Variants in VWC2L observed in about 807,000 individuals in gnomAD.
The protein encoded by VWC2L is von Willebrand factor C domain containing 2 like.
A neutral mutation model predicts 21.6 loss-of-function variants in VWC2L; 10 were observed. That is an observed-to-expected ratio of 0.46 (90% confidence interval 0.29 to 0.78). The LOEUF is 0.78. Among genes scored for constraint, VWC2L ranks in the 30% least tolerant of loss-of-function variants. The pLI is 0.10. For synonymous variants in VWC2L, 96 were observed against 94.3 expected (o/e 1.02, Z -0.10); for missense variants, 209 against 277.1 (o/e 0.75, Z 1.74).
chr2:214,534,854 C>A (rs1052543423), intron 3 of VWC2L, among the ~76,000 whole-genome samples: 2 of 151,974 alleles, frequency 1.3e-5, no homozygotes, highest in African/African-American at 4.8e-5. Flanking sequence ...CAAATGTTTC[C>A]CTCTTTTTAA....
At chr2:214,519,247 G>A (rs993964053) in intron 3 of VWC2L, among the ~76,000 whole-genome samples, 7 of 152,078 alleles carry the variant, frequency 4.6e-5, no homozygotes, top group South Asian at 4.1e-4. Flanking sequence ...CCCATGTACT[G>A]CTGCTCTTTC....
chr2:214,471,696 A>G (rs900379310), intron 3 of VWC2L, among the ~76,000 whole-genome samples: 1 of 152,246 alleles, frequency 6.6e-6, no homozygotes, highest in Non-Finnish European at 1.5e-5. Flanking sequence ...CAACACTGTC[A>G]GTAATAAACT....
At chr2:214,548,520 C>T (rs1179674628) in intron 3 of VWC2L, among the ~76,000 whole-genome samples, 1 of 152,094 alleles carries the variant, frequency 6.6e-6, no homozygotes, top group Non-Finnish European at 1.5e-5. Context: ...GGAACTCAAC[C>T]AAGTCCAGTG....
In VWC2L at chr2:214,501,055, G is replaced by T. The variant is rs112078600; in HGVS notation, c.520+64297G>T. 1.6e-4 allele frequency among the ~76,000 whole-genome samples: 25 copies of T among 152,292 alleles called. 2 individuals carry two copies. Among genetic ancestry groups the T allele is most frequent in the Middle Eastern group, 3.4e-3 (1 of 294 alleles). On this transcript the variant is annotated intron_variant, in intron 3 of 3. Transcript: ENST00000312504. ...CAGACAGAAGCAAAATATCATTTTA[G>T]TTACTTATAGAGACCAAGTTAGAGG...
intron 3 of VWC2L, among the ~76,000 whole-genome samples, chr2:214,533,391 A>G (rs1019514536): frequency 6.6e-6 from 1 of 152,072 alleles, no homozygotes; most frequent in Non-Finnish European, 1.5e-5. Context: ...TGCTAGTATT[A>G]AACAGCACAA....
rs1689196347 is a variant in VWC2L, at chr2:214,519,398, T to C, written c.521-56274T>C. Among the ~76,000 whole-genome samples, 4 of 152,142 alleles carry C rather than the reference T, an allele frequency of 2.6e-5. No homozygotes were observed. The South Asian group carries it at 8.3e-4, about 31-fold the overall frequency. On this transcript the variant is annotated intron_variant, in intron 3 of 3. Transcript: ENST00000312504. ...AGGGCAAGCAGTCCACTTATGCAAA[T>C]AGATCATGTCAATATAACGTAAATT...
intron 3 of VWC2L, among the ~76,000 whole-genome samples, chr2:214,493,231 T>C (rs866494419): frequency 1.1e-4 from 16 of 152,332 alleles, no homozygotes; most frequent in Middle Eastern, 6.8e-3. Flanking sequence ...AAGAACTTTA[T>C]GGCTTCTGAG....
chr2:214,509,695 ACT>A (rs1286848018), intron 3 of VWC2L, among the ~76,000 whole-genome samples: 3 of 151,858 alleles, frequency 2.0e-5, no homozygotes, highest in Admixed American at 6.6e-5. Flanking sequence ...GGTCATATTG[ACT>A]CTCTGGTTGT....
At chr2:214,433,568 C>A (rs966991859) in intron 2 of VWC2L, among the ~76,000 whole-genome samples, 1 of 151,942 alleles carries the variant, frequency 6.6e-6, no homozygotes, top group African/African-American at 2.4e-5. Flanking sequence ...ATGGAACAAC[C>A]CAATAAAAGG....
chr2:214,563,572 A>AAAAAAAAAAAAAAAAAAAAAAC (rs1690012272), intron 3 of VWC2L, among the ~76,000 whole-genome samples: 1 of 107,482 alleles, frequency 9.3e-6, no homozygotes, highest in Non-Finnish European at 2.0e-5. Flanking sequence ...AAAAAAAAAA[A>AAAAAAAAAAAAAAAAAAAAAAC]AAAAAAAAAT....
intron 3 of VWC2L, among the ~76,000 whole-genome samples, chr2:214,567,426 A>G (rs1690078832): frequency 6.6e-6 from 1 of 152,068 alleles, no homozygotes; most frequent in African/African-American, 2.4e-5. Flanking sequence ...ACAGGAGCAA[A>G]TCTTGCTTTG....
chr2:214,549,731 C>A (rs953876073), intron 3 of VWC2L, among the ~76,000 whole-genome samples: 1 of 152,214 alleles, frequency 6.6e-6, no homozygotes, highest in Non-Finnish European at 1.5e-5. Flanking sequence ...CGAGATCGTG[C>A]CACTGCACTC....
At chr2:214,572,808 T>C (rs865953325) in intron 3 of VWC2L, among the ~76,000 whole-genome samples, 5 of 152,286 alleles carry the variant, frequency 3.3e-5, no homozygotes, top group Admixed American at 6.5e-5. Context: ...CTACTAAAGC[T>C]AATGAGATCA....
chr2:214,568,085 T>G (rs928490898), intron 3 of VWC2L, among the ~76,000 whole-genome samples: 1 of 152,204 alleles, frequency 6.6e-6, no homozygotes, highest in Admixed American at 6.6e-5. Context: ...TTAAACTCTC[T>G]TATTGTTTAG....
intron 3 of VWC2L, among the ~76,000 whole-genome samples, chr2:214,569,883 AAC>A (rs1375190393): frequency 6.6e-6 from 1 of 152,170 alleles, no homozygotes. Flanking sequence ...ATCGTAAGTA[AAC>A]ACAGACTGGA....
At chr2:214,574,098 C>A (rs572060481) in intron 3 of VWC2L, among the ~76,000 whole-genome samples, 1 of 152,104 alleles carries the variant, frequency 6.6e-6, no homozygotes, top group Non-Finnish European at 1.5e-5. Flanking sequence ...GCCAAGATTG[C>A]GCCACTGCAC....
Position 214,411,412 on chromosome 2 carries a change from G to A in VWC2L, c.-455G>A, listed in dbSNP as rs1299857926. ...AAACACTGTGTAAGTGAACTCATGT[G>A]TGGAGGAGGCGTAATCAGCCGGGAA... On this transcript the variant is annotated 5_prime_UTR_variant, in exon 1 of 4. In the 5' UTR this introduces an upstream ATG that the reference lacks. Transcript: ENST00000312504. The A allele has an allele frequency of 1.3e-5, 2 of 152,232 alleles. No homozygotes were observed. Among genetic ancestry groups the A allele is most frequent in the Admixed American group, 6.5e-5 (1 of 15,276 alleles). The allele number at this position is 152,232 out of a possible 1,614,324, so 9.4% of individuals were successfully genotyped here.
At chr2:214,550,529 G>A (rs376877502) in intron 3 of VWC2L, among the ~76,000 whole-genome samples, 1 of 151,908 alleles carries the variant, frequency 6.6e-6, no homozygotes, top group African/African-American at 2.4e-5. Flanking sequence ...CCTCTTCCTT[G>A]AACCTGTTTT....
intron 3 of VWC2L, among the ~76,000 whole-genome samples, chr2:214,565,295 T>C (rs111698992): frequency 4.9e-4 from 74 of 152,338 alleles, no homozygotes; most frequent in African/African-American, 7.2e-4. Flanking sequence ...CCTACTCTTT[T>C]ATTGAGCTTG....
Sources: gnomAD v4.1 joint callset for allele counts (sites outside exome capture counted in the v4.1 genomes callset) on GRCh38, gnomAD v4.1.1 for gene constraint, MANE v1.5 for transcripts, NCBI Gene and HGNC (gene_info 2026-07-23, HGNC 2026-07-21) for gene names.